Variants in KDM6B observed in about 807,000 individuals in gnomAD.
KDM6B encodes the protein lysine demethylase 6B, also known as lysine-specific demethylase 6B.
A neutral mutation model predicts 150.4 loss-of-function variants in KDM6B; 22 were observed. That is an observed-to-expected ratio of 0.15 (90% CI 0.10 to 0.21). The LOEUF is 0.21. Ranked by LOEUF, KDM6B falls within the 10% of genes least tolerant of loss-of-function variation. The pLI, the probability that KDM6B is intolerant of heterozygous loss-of-function variation, is 1.00. For synonymous variants in KDM6B, 1,148 were observed against 921.1 expected (o/e 1.25, Z -4.46); for missense variants, 1,984 against 2,234.3 (o/e 0.89, Z 2.26).
chr17:7,846,701 C>T lies in KDM6B; in HGVS notation c.672C>T (p.Ser224=), dbSNP rs768067418. Residue 224 remains serine, a synonymous_variant, in exon 9 of 24, where the codon AGC becomes AGT. Coordinates refer to ENST00000448097, the MANE Select transcript of KDM6B (RefSeq NM_001348716.2). ...GCCCCTCAGGGGAGGAGGGCCTCAG[C>T]CCTGGAGGCAAGCGAAGGAGAGGCT... is the stretch of plus-strand genomic sequence containing the variant. ...LSGPSGEEGL[S]PGGKRRRGCN... The T allele has an allele frequency of 1.7e-5, 28 of 1,614,020 alleles. No homozygotes were observed. Among genetic ancestry groups the T allele is most frequent in the East Asian group, 1.6e-4 (7 of 44,894 alleles).
Position 7,846,086 on chromosome 17 carries a change from C to G in KDM6B, c.245C>G (p.Thr82Ser). The G allele has an allele frequency of 6.2e-7, 1 of 1,610,090 alleles. No individual in the cohort carries two copies. The highest frequency in any genetic ancestry group is 8.5e-7 in the Non-Finnish European group (1 of 1,178,628). Residue 82 changes from threonine (T) to serine (S), a missense_variant, in exon 7 of 24, where the codon ACT becomes AGT. Thr to Ser is a moderately conservative substitution (Grantham distance 58, BLOSUM62 1). Coordinates refer to ENST00000448097, the MANE Select transcript of KDM6B (RefSeq NM_001348716.2). ...SKPYYAPGAP[T>S]PRPLHGKLES... ...CCCCTTCTGCTCTGTAGGGCGCCCA[C>G]TCCAAGACCCCTCCATGGGAAGCTG... is the stretch of plus-strand genomic sequence containing the variant.
Position 7,849,710 on chromosome 17 carries a change from ACGT to A in KDM6B, c.3426_3428del (p.Val1143del). On this transcript the variant is annotated inframe_deletion, in exon 12 of 24. Transcript: ENST00000448097. ...CTCACCATCAGCCACTGTGCTGCTG[ACGT>A]CGTGCGCGCCAGCAGGTGAGTCGGC... 1 of 1,611,282 alleles carries A rather than the reference ACGT, an allele frequency of 6.2e-7. No homozygotes were observed. The highest frequency in any genetic ancestry group is 8.5e-7 in the Non-Finnish European group (1 of 1,179,902).
Position 7,853,659 on chromosome 17 carries a change from T to C in KDM6B, c.*138T>C. 7.6e-6 allele frequency: 3 copies of C among 392,982 alleles called. No individual in the cohort carries two copies. Among genetic ancestry groups the C allele is most frequent in the Non-Finnish European group, 1.3e-5 (3 of 239,786 alleles). The allele number at this position is 392,982 out of a possible 1,614,324, so 24.3% of individuals were successfully genotyped here. A position where few individuals can be genotyped will look rare whatever the true frequency, so the allele number is the denominator to read the frequency against. ...CCTTCCACCCCATTGGCAGCTCCCC[T>C]CACTTAATTTATTAAGAAAAACTTT... On this transcript the variant is annotated 3_prime_UTR_variant, in exon 24 of 24. Transcript: ENST00000448097.
intron 1 of KDM6B, among the ~76,000 whole-genome samples, chr17:7,835,114 C>T (rs2078306903): frequency 6.6e-6 from 1 of 152,042 alleles, no homozygotes; most frequent in African/African-American, 2.4e-5. Context: ...GGCTGAGGCC[C>T]CCACTTGACT....
At position 7,834,236 on chromosome 17, in the gene KDM6B, AC is replaced by A. The variant is rs2078284843; in HGVS notation, c.-501del. On this transcript the variant is annotated 5_prime_UTR_variant, in exon 1 of 24. The change creates a new upstream start codon in the 5' untranslated region. Transcript: ENST00000448097. ...GCGGGTGTTTGTGTTGGAAAATCCA[AC>A]TGCGCCACTGGGCGGAGCGGCCCCC... 1.3e-5 allele frequency among the ~76,000 whole-genome samples: 2 copies of A among 150,732 alleles called. No individual in the cohort carries two copies. The highest frequency in any genetic ancestry group is 2.1e-4 in the South Asian group (1 of 4,758).
intron 1 of KDM6B, among the ~76,000 whole-genome samples, chr17:7,838,739 A>T (rs1191075275): frequency 6.6e-6 from 1 of 151,228 alleles, no homozygotes; most frequent in Non-Finnish European, 1.5e-5. Context: ...CAGACTATAG[A>T]TACACACTCT....
Position 7,847,607 on chromosome 17 carries a change from C to A in KDM6B, c.1319C>A (p.Pro440His). 1 of 1,612,570 alleles carries A rather than the reference C, an allele frequency of 6.2e-7. No homozygotes were observed. Among genetic ancestry groups the A allele is most frequent in the Non-Finnish European group, 8.5e-7 (1 of 1,179,750 alleles). ...GTCTCTCACCATGGCCGCCTGGGGCCCTCGGCACACAGCAGTCGGAAACCG... is the reference window on the plus strand; with the variant it reads ...GTCTCTCACCATGGCCGCCTGGGGCACTCGGCACACAGCAGTCGGAAACCG... ...LEVSHHGRLG[P>H]SAHSSRKPFL... is the part of the protein sequence containing the mutation. Residue 440 changes from proline to histidine, a missense_variant, in exon 12 of 24, where the codon CCC becomes CAC. Around this residue, in one of 13 missense-constraint regions of KDM6B, gnomAD observed 1,379 missense variants for 1,275.6 expected, o/e 1.08. Coordinates refer to ENST00000448097, the MANE Select transcript of KDM6B (RefSeq NM_001348716.2).
In KDM6B at chr17:7,847,422, T is replaced by C. The variant is rs1162119100; in HGVS notation, c.1227T>C (p.Gly409=). ...GCAGTAGCAGCAGCAGCAACACTGG[T>C]CTCCGGGGCGTGGAGCCGAACCCAG... The part of the protein sequence containing the change: ...SSSSSSSSNT[G]LRGVEPNPGI... The change falls in exon 11 of 24, where the codon GGT becomes GGC. Residue 409 remains glycine, a synonymous_variant. Transcript: ENST00000448097. 3.7e-6 allele frequency: 6 copies of C among 1,613,244 alleles called. No individual in the cohort carries two copies. The African/African-American group carries it at 5.3e-5, about 14-fold the overall frequency.
chr17:7,849,990 T>A, intron 13 of KDM6B, 43 bp downstream of exon 13: 1 of 1,613,462 alleles, frequency 6.2e-7, no homozygotes. Context: ...TGCCAGAGGG[T>A]TCTAAGACAG....
chr17:7,846,371 G>GGGCCGGCCGCGGGGGCCCCCCCCC, intron 7 of KDM6B, 29 bp from the exon 8 acceptor site: 1 of 1,488,926 alleles, frequency 6.7e-7, no homozygotes, highest in Non-Finnish European at 9.2e-7. Context: ...CCTGACATCT[G>GGGCCGGCCGCGGGGGCCCCCCCCC]CCCCTGCCCC....
intron 6 of KDM6B, 31 bp from the exon 7 acceptor site, chr17:7,846,047 C>G: frequency 7.5e-7 from 1 of 1,331,382 alleles, no homozygotes; most frequent in Non-Finnish European, 1.1e-6. Context: ...GCCCAACCCC[C>G]ACCCACACCC....
chr17:7,853,148 C>G (rs776490805), intron 22 of KDM6B, 22 bp downstream of exon 22: 1 of 1,614,124 alleles, frequency 6.2e-7, no homozygotes, highest in Non-Finnish European at 8.5e-7. Context: ...GGCTCTGCTG[C>G]TCTCCCTGAG....
At position 7,848,824 on chromosome 17, in the gene KDM6B, A is replaced by G; in HGVS notation, c.2536A>G (p.Thr846Ala). 2 of 1,612,052 alleles carry G rather than the reference A, an allele frequency of 1.2e-6. No individual in the cohort carries two copies. The highest frequency in any genetic ancestry group is 1.7e-6 in the Non-Finnish European group (2 of 1,179,762). Residue 846 changes from threonine to alanine, a missense_variant, in exon 12 of 24, where the codon ACC becomes GCC. Around this residue, in one of 13 missense-constraint regions of KDM6B, gnomAD observed 1,379 missense variants for 1,275.6 expected, o/e 1.08. Transcript: ENST00000448097. ...TTCCCCTGGCCCCCCATCAGGTGCT[A>G]CCGCCCTGCCGCCCACCTCAGCGGC... ...QYSPGPPSGA[T>A]ALPPTSAAPS...
chr17:7,846,371 GCCCC>G, intron 7 of KDM6B, 25 bp from the exon 8 acceptor site: 1 of 1,488,902 alleles, frequency 6.7e-7, no homozygotes, highest in Non-Finnish European at 9.2e-7. Flanking sequence ...CCTGACATCT[GCCCC>G]TGCCCCGTGT....
chr17:7,847,629 A>G lies in KDM6B; in HGVS notation c.1341A>G (p.Lys447=), dbSNP rs368052988. ...GGCCCTCGGCACACAGCAGTCGGAA[A>G]CCGTTCTTGGGGGCTCCCGCTGCCA... The part of the protein sequence containing the change: ...RLGPSAHSSR[K]PFLGAPAATP... The change falls in exon 12 of 24, where the codon AAA becomes AAG. Residue 447 remains lysine, a synonymous_variant. Transcript: ENST00000448097. The G allele has an allele frequency of 9.9e-6, 16 of 1,611,028 alleles. No individual in the cohort carries two copies. In the African/African-American group the frequency reaches 2.0e-4, roughly 20 times the overall value.
rs2078511764 is a variant in KDM6B at position 7,845,434 on chromosome 17, C to T, written c.-28C>T. ...AGGGGGCCGTGCCCAATCTCCAGGG[C>T]TCCTGGGGCCACTGCTGACCTGGTA... is the stretch of plus-strand genomic sequence containing the variant. On this transcript the variant is annotated 5_prime_UTR_variant, in exon 4 of 24. Transcript: ENST00000448097. 3.2e-6 allele frequency: 4 copies of T among 1,263,438 alleles called. No homozygotes were observed. Among genetic ancestry groups the T allele is most frequent in the South Asian group, 2.4e-5 (2 of 83,536 alleles). 78.3% of individuals were successfully genotyped at this position (1,263,438 alleles called of 1,614,324 possible). A position where few individuals can be genotyped will look rare whatever the true frequency, so the allele number is the denominator to read the frequency against.
In KDM6B at chr17:7,854,785, G is replaced by C; in HGVS notation, c.*1264G>C. On this transcript the variant is annotated 3_prime_UTR_variant, in exon 24 of 24. Coordinates refer to ENST00000448097, the MANE Select transcript of KDM6B (RefSeq NM_001348716.2). The stretch of plus-strand genomic sequence containing the variant: ...GAGAATATTAATATTAAAAATAAAC[G>C]GAGAAAAAAAATCCTGTTTCGCTAA... The C allele has an allele frequency of 2.5e-6, 1 of 398,692 alleles. No individual in the cohort carries two copies. The highest frequency in any genetic ancestry group is 6.8e-4 in the Middle Eastern group (1 of 1,470). The allele number at this position is 398,692 out of a possible 1,614,324, so 24.7% of individuals were successfully genotyped here. A position where few individuals can be genotyped will look rare whatever the true frequency, so the allele number is the denominator to read the frequency against.
chr17:7,842,980 G>T (rs552308067), intron 2 of KDM6B, among the ~76,000 whole-genome samples: 2 of 152,132 alleles, frequency 1.3e-5, no homozygotes, highest in African/African-American at 4.8e-5. Flanking sequence ...TTGTCTTCAA[G>T]TGAGGGCTTT....
In KDM6B at chr17:7,846,563, C is replaced by T. The variant is rs764272738; in HGVS notation, c.550-16C>T. ...CTGCACCCGTGCCATTTTCTCTTCT[C>T]TCTTTTTGTTCTCAGCACAAACGGA... On this transcript the variant is annotated splice_polypyrimidine_tract_variant and intron_variant, in intron 8 of 23. Transcript: ENST00000448097. The T allele has an allele frequency of 5.0e-6, 8 of 1,613,892 alleles. No individual in the cohort carries two copies. In the African/African-American group the frequency reaches 1.1e-4, roughly 22 times the overall value.
Sources: allele counts gnomAD v4.1 joint callset (sites outside exome capture counted in the v4.1 genomes callset), GRCh38; gene constraint gnomAD v4.1.1; regional missense constraint gnomAD v4.1.1; transcripts MANE v1.5; gene names NCBI Gene and HGNC (gene_info 2026-07-23, HGNC 2026-07-21).